CKAP5: variants seen among roughly 807,000 people sequenced by gnomAD.
CKAP5 encodes cytoskeleton associated protein 5, also known as cytoskeleton-associated protein 5.
CKAP5 carries 27 observed loss-of-function variants against 232.8 expected under a neutral mutation model. The ratio of observed to expected loss-of-function variants is 0.12; its 90% CI spans 0.09 to 0.16. The LOEUF (loss-of-function observed/expected upper bound fraction) is 0.16. CKAP5 is among the 10% of genes least tolerant of loss of function. CKAP5 has a pLI of 1.00. For synonymous variants in CKAP5, 785 were observed against 841.1 expected, an observed-to-expected ratio of 0.93 and a Z score of 1.16; for missense variants, 1,838 against 2,424.7, an observed-to-expected ratio of 0.76 and a Z score of 5.08.
At chr11:46,795,465 G>T in intron 13 of CKAP5, 129 bp downstream of exon 13, 1 of 696,732 alleles carries the variant, frequency 1.4e-6, no homozygotes, top group South Asian at 2.4e-5. Context: ...TTCATTAACA[G>T]ATTTTCTGCT....
intron 4 of CKAP5, among the ~76,000 whole-genome samples, chr11:46,815,027 C>T (rs969691594): frequency 2.6e-5 from 4 of 152,104 alleles, no homozygotes; most frequent in Admixed American, 6.5e-5. Context: ...TGCTTTTCCA[C>T]CAAAAGGCCA....
At position 46,759,305 on chromosome 11, in the gene CKAP5, T is replaced by C; in HGVS notation, c.4532A>G (p.Asp1511Gly). 1 of 1,613,908 alleles carries C rather than the reference T, an allele frequency of 6.2e-7. No homozygotes were observed. The highest frequency in any genetic ancestry group is 8.5e-7 in the Non-Finnish European group (1 of 1,179,928). Residue 1511 changes from aspartate (D) to glycine (G), a missense_variant, in exon 34 of 44, where the codon GAT becomes GGT. Transcript: ENST00000529230. The stretch of plus-strand genomic sequence containing the variant: ...AATAAGGACTGGCTCAAAAATGTCA[T>C]CCAGTTTGTGCTGAACAAGTTCTGG... ...EMPELVQHKL[D>G]DIFEPVLIPE...
chr11:46,843,727 T>C (rs1319706944), intron 1 of CKAP5, among the ~76,000 whole-genome samples: 11 of 41,284 alleles, frequency 2.7e-4, no homozygotes, highest in African/African-American at 8.4e-4. Context: ...GAGATCTGAT[T>C]GAAAAAAAAA....
At chr11:46,829,971 G>A (rs1939743561) in intron 1 of CKAP5, among the ~76,000 whole-genome samples, 1 of 151,662 alleles carries the variant, frequency 6.6e-6, no homozygotes, top group Non-Finnish European at 1.5e-5. Flanking sequence ...ACTTGTAAAT[G>A]TTACTTTATT....
At chr11:46,746,802 T>C (rs1467541591) in intron 42 of CKAP5, among the ~76,000 whole-genome samples, 1 of 152,240 alleles carries the variant, frequency 6.6e-6, no homozygotes, top group Non-Finnish European at 1.5e-5. Flanking sequence ...TATGACATTA[T>C]GACAGCTATG....
chr11:46,800,504 A>T (rs1939002139), intron 9 of CKAP5, among the ~76,000 whole-genome samples: 1 of 152,224 alleles, frequency 6.6e-6, no homozygotes, highest in Non-Finnish European at 1.5e-5. Context: ...GTCAATTTTT[A>T]GGATGCTGAG....
chr11:46,811,458 GGATCAACAT>G (rs1939272493), intron 4 of CKAP5, among the ~76,000 whole-genome samples: 1 of 152,064 alleles, frequency 6.6e-6, no homozygotes, highest in African/African-American at 2.4e-5. Context: ...AACCTATAAA[GGATCAACAT>G]GTTTAATACC....
At chr11:46,745,960 C>T (rs1414356792) in intron 42 of CKAP5, among the ~76,000 whole-genome samples, 1 of 151,872 alleles carries the variant, frequency 6.6e-6, no homozygotes, top group Admixed American at 6.6e-5. Flanking sequence ...TCAAAAAAAC[C>T]TCAAAAAATA....
In CKAP5 at chr11:46,811,115, C is replaced by T. The variant is rs1295905853; in HGVS notation, c.522G>A (p.Glu174=). Residue 174 remains glutamate, a synonymous_variant, in exon 5 of 44, where the codon GAG becomes GAA. Transcript: ENST00000529230. ...CATCTCGAACAGCCTTCTCTCGAGA[C>T]TCAAAGAGTTTTGGCAACACTTTGA... ...PIIKVLPKLF[E]SREKAVRDEA... The T allele has an allele frequency of 3.7e-6, 6 of 1,613,918 alleles. No homozygotes were observed. In the Admixed American group the frequency reaches 1.0e-4, roughly 27 times the overall value.
chr11:46,788,337 G>A (rs1229937094), intron 16 of CKAP5, among the ~76,000 whole-genome samples: 1 of 152,230 alleles, frequency 6.6e-6, no homozygotes, highest in Non-Finnish European at 1.5e-5. Context: ...CATTTTGGGA[G>A]GCCAAGGCAG....
intron 13 of CKAP5, among the ~76,000 whole-genome samples, chr11:46,793,748 C>A (rs1209855918): frequency 6.6e-6 from 1 of 152,092 alleles, no homozygotes; most frequent in Non-Finnish European, 1.5e-5. Context: ...CACGGCAAAA[C>A]CCCATCTCTA....
chr11:46,817,730 T>C (rs1939437350), intron 3 of CKAP5, among the ~76,000 whole-genome samples: 1 of 151,912 alleles, frequency 6.6e-6, no homozygotes, highest in Admixed American at 6.6e-5. Context: ...GTTAGGAAAA[T>C]CAGGTCTATG....
intron 9 of CKAP5, among the ~76,000 whole-genome samples, chr11:46,800,819 CAT>C (rs1201710571): frequency 9.2e-5 from 14 of 152,148 alleles, no homozygotes; most frequent in African/African-American, 3.4e-4. Context: ...TATAGTTTTA[CAT>C]TGCCTTTCCG....
intron 4 of CKAP5, among the ~76,000 whole-genome samples, chr11:46,813,819 C>T (rs1003948963): frequency 5.3e-5 from 8 of 152,062 alleles, no homozygotes; most frequent in African/African-American, 1.9e-4. Context: ...GCACTCCAGA[C>T]TAGAAACTTG....
intron 1 of CKAP5, among the ~76,000 whole-genome samples, chr11:46,825,815 C>T (rs1378059423): frequency 1.3e-5 from 2 of 151,814 alleles, no homozygotes; most frequent in Non-Finnish European, 2.9e-5. Context: ...CAGAAATCTA[C>T]TCAAACCATG....
chr11:46,780,614 ACTT>A lies in CKAP5; in HGVS notation c.2250-132_2250-130del. The A allele has an allele frequency of 4.3e-6, 3 of 690,908 alleles. No individual in the cohort carries two copies. In the South Asian group the frequency reaches 5.4e-5, roughly 12 times the overall value. The allele number at this position is 690,908 out of a possible 1,614,324, so 42.8% of individuals were successfully genotyped here. On this transcript the variant is annotated intron_variant, in intron 18 of 43. Coordinates refer to ENST00000529230, the MANE Select transcript of CKAP5 (RefSeq NM_001008938.4). The stretch of plus-strand genomic sequence containing the variant: ...TCTCACTTTTTCTCTTCCTACACTA[ACTT>A]TATTTTATTTTATTTATTTGAGACA...
In CKAP5 at chr11:46,750,750, T is replaced by G. The variant is rs534333686; in HGVS notation, c.5461-139A>C. 14 of 660,608 alleles carry G rather than the reference T, an allele frequency of 2.1e-5. No homozygotes were observed. In the South Asian group the frequency reaches 2.7e-4, roughly 13 times the overall value. The allele number at this position is 660,608 out of a possible 1,614,324, so 40.9% of individuals were successfully genotyped here. On this transcript the variant is annotated intron_variant, in intron 40 of 43. Transcript: ENST00000529230. ...CTACAGATAACAGATGCACCGATGA[T>G]GCAGGTCTTGCAGCAGAAGCACTAA...
intron 15 of CKAP5, among the ~76,000 whole-genome samples, 186 bp downstream of exon 15, chr11:46,789,890 T>G (rs1037539584): frequency 5.9e-5 from 9 of 152,218 alleles, no homozygotes; most frequent in African/African-American, 2.2e-4. Context: ...CATAGAATAC[T>G]GATGTTTAAA....
intron 8 of CKAP5, 117 bp from the exon 9 acceptor site, chr11:46,801,421 G>A: frequency 1.4e-6 from 1 of 721,630 alleles, no homozygotes; most frequent in Non-Finnish European, 2.3e-6. Context: ...TGTAATCCCA[G>A]CACTTTGGGA....
Sources: gnomAD v4.1 joint callset for allele counts (sites outside exome capture counted in the v4.1 genomes callset) on GRCh38, gnomAD v4.1.1 for gene constraint, MANE v1.5 for transcripts, NCBI Gene and HGNC (gene_info 2026-07-23, HGNC 2026-07-21) for gene names.